The following SCAMP1 variants were observed in gnomAD, a reference collection of about 807,000 sequenced individuals.
SCAMP1 encodes secretory carrier-associated membrane protein 1.
SCAMP1 carries 15 observed loss-of-function variants against 41.8 expected under a neutral mutation model. The observed-to-expected ratio is 0.36, with a 90% confidence interval of 0.24 to 0.55. The LOEUF (loss-of-function observed/expected upper bound fraction) is 0.55. Among genes scored for constraint, SCAMP1 ranks in the 20% least tolerant of loss-of-function variants. SCAMP1 has a pLI of 0.86. For missense variants in SCAMP1, 341 were observed against 412.6 expected (o/e 0.83, Z 1.50); for synonymous variants, 135 against 136.8 (o/e 0.99, Z 0.09).
chr5:78,448,660 G>A (rs1198740127), intron 6 of SCAMP1, among the ~76,000 whole-genome samples: 1 of 152,218 alleles, frequency 6.6e-6, no homozygotes, highest in Non-Finnish European at 1.5e-5. Flanking sequence ...GTGTTAATGA[G>A]ATGTGGAGGA....
intron 7 of SCAMP1, among the ~76,000 whole-genome samples, chr5:78,450,956 T>A (rs1464124579): frequency 6.6e-6 from 1 of 152,188 alleles, no homozygotes; most frequent in African/African-American, 2.4e-5. Flanking sequence ...TCAGATAAAG[T>A]AGTTTTTATT....
At chr5:78,389,286 A>G (rs1751428167) in intron 2 of SCAMP1, among the ~76,000 whole-genome samples, 1 of 152,086 alleles carries the variant, frequency 6.6e-6, no homozygotes, top group Non-Finnish European at 1.5e-5. Context: ...ACTGTGTAGA[A>G]CTGTACCATG....
chr5:78,413,146 G>GT lies in SCAMP1; in HGVS notation c.136-2365dup, dbSNP rs941420410. On this transcript the variant is annotated intron_variant, in intron 2 of 8. Coordinates refer to ENST00000621999, the MANE Select transcript of SCAMP1 (RefSeq NM_004866.6). ...TTGTATATGATGCGAAGTAAGAAAT[G>GT]TTTTTTTTTCCTATATGAGTAACCA... is the stretch of plus-strand genomic sequence containing the variant. Among the ~76,000 whole-genome samples, 66 of 150,906 alleles carry GT rather than the reference G, an allele frequency of 4.4e-4. 1 individual carries two copies. Among genetic ancestry groups the GT allele is most frequent in the African/African-American group, 1.4e-3 (58 of 41,010 alleles).
At chr5:78,430,658 G>A (rs1471563426) in intron 6 of SCAMP1, among the ~76,000 whole-genome samples, 1 of 151,762 alleles carries the variant, frequency 6.6e-6, no homozygotes, top group African/African-American at 2.4e-5. Context: ...TCAGTACTTT[G>A]TATTATTTAG....
At chr5:78,457,152 A>G (rs1163660259) in intron 7 of SCAMP1, among the ~76,000 whole-genome samples, 1 of 150,646 alleles carries the variant, frequency 6.6e-6, no homozygotes, top group African/African-American at 2.5e-5. Context: ...AGCTCAGAGT[A>G]ATTTGATCGT....
At chr5:78,427,886 T>G (rs1322484877) in intron 6 of SCAMP1, among the ~76,000 whole-genome samples, 1 of 152,182 alleles carries the variant, frequency 6.6e-6, no homozygotes, top group Non-Finnish European at 1.5e-5. Context: ...TGTTGTTGAC[T>G]TCTTACTATT....
chr5:78,475,634 C>A lies in SCAMP1; in HGVS notation c.983C>A (p.Ala328Glu). ...ANAASTAASS[A>E]AQNAFKGNQI The stretch of plus-strand genomic sequence containing the variant: ...GCAGCTTCAACTGCAGCATCTAGTG[C>A]AGCTCAGAATGCTTTCAAGGGTAAC... The change falls in exon 9 of 9, where the codon GCA (alanine) becomes GAA (glutamate). Residue 328 changes from alanine to glutamate, a missense_variant. Transcript: ENST00000621999. 1.3e-6 allele frequency: 2 copies of A among 1,594,472 alleles called. No individual in the cohort carries two copies.
intron 6 of SCAMP1, among the ~76,000 whole-genome samples, chr5:78,440,406 T>C (rs1404946618): frequency 2.0e-5 from 3 of 152,240 alleles, no homozygotes; most frequent in Non-Finnish European, 1.5e-5. Flanking sequence ...ATGTCCTTTC[T>C]GTTTGTTAGT....
intron 7 of SCAMP1, among the ~76,000 whole-genome samples, chr5:78,458,916 C>G (rs1023750086): frequency 9.2e-5 from 14 of 152,074 alleles, no homozygotes; most frequent in Non-Finnish European, 1.6e-4. Flanking sequence ...AACTCATAAG[C>G]TTAAAAAATG....
At chr5:78,434,778 G>A (rs772491175) in intron 6 of SCAMP1, among the ~76,000 whole-genome samples, 113 of 152,282 alleles carry the variant, frequency 7.4e-4, no homozygotes, top group Middle Eastern at 3.4e-3. Flanking sequence ...AAACTGTGAT[G>A]CAGAAGGAAG....
chr5:78,386,342 A>C (rs1751340957), intron 1 of SCAMP1, among the ~76,000 whole-genome samples: 1 of 152,040 alleles, frequency 6.6e-6, no homozygotes, highest in South Asian at 2.1e-4. Flanking sequence ...AGTTTATGTG[A>C]GTACTTATGT....
intron 4 of SCAMP1, among the ~76,000 whole-genome samples, chr5:78,417,053 C>T (rs752299577): frequency 1.4e-4 from 22 of 152,122 alleles, no homozygotes; most frequent in Admixed American, 3.9e-4. Flanking sequence ...CCCCAGTCCT[C>T]GCAAGTATTT....
intron 7 of SCAMP1, among the ~76,000 whole-genome samples, chr5:78,452,187 T>C (rs956528951): frequency 6.2e-5 from 9 of 146,068 alleles, no homozygotes; most frequent in Non-Finnish European, 1.2e-4. Flanking sequence ...TTTCTTTTCT[T>C]TTTTTTTTTA....
chr5:78,449,131 GA>G (rs1753153049), intron 6 of SCAMP1, among the ~76,000 whole-genome samples: 1 of 151,976 alleles, frequency 6.6e-6, no homozygotes, highest in African/African-American at 2.4e-5. Flanking sequence ...TTACCTAAGA[GA>G]AAAAGGAAAT....
chr5:78,428,858 T>TC (rs745569484), intron 6 of SCAMP1, among the ~76,000 whole-genome samples: 12 of 152,254 alleles, frequency 7.9e-5, no homozygotes, highest in Non-Finnish European at 1.5e-4. Context: ...AAGTATTTTA[T>TC]CCTTTTTATG....
At chr5:78,468,280 A>G (rs1251191226) in intron 8 of SCAMP1, among the ~76,000 whole-genome samples, 1 of 152,192 alleles carries the variant, frequency 6.6e-6, no homozygotes, top group Admixed American at 6.5e-5. Context: ...TTTAGTCCTT[A>G]TCTTTCACAA....
At chr5:78,399,290 G>A (rs1274622351) in intron 2 of SCAMP1, among the ~76,000 whole-genome samples, 1 of 152,166 alleles carries the variant, frequency 6.6e-6, no homozygotes, top group Non-Finnish European at 1.5e-5. Flanking sequence ...CTGTATGTGG[G>A]TTTTTTGTAT....
intron 6 of SCAMP1, 45 bp downstream of exon 6, chr5:78,422,005 G>A (rs1752350110): frequency 1.3e-6 from 2 of 1,500,762 alleles, no homozygotes; most frequent in Admixed American, 1.9e-5. Flanking sequence ...AACCTGTGAA[G>A]TAAATAATTC....
At chr5:78,429,363 AAT>A (rs1752544129) in intron 6 of SCAMP1, among the ~76,000 whole-genome samples, 85 of 42,576 alleles carry the variant, frequency 2.0e-3, no homozygotes, top group Non-Finnish European at 2.6e-3. Flanking sequence ...TTTTTTTTTT[AAT>A]TTTTTTTTAT....
Sources: gnomAD v4.1 joint callset for allele counts (sites outside exome capture counted in the v4.1 genomes callset) on GRCh38, gnomAD v4.1.1 for gene constraint, MANE v1.5 for transcripts, NCBI Gene and HGNC (gene_info 2026-07-23, HGNC 2026-07-21) for gene names.